DENND4C: variants seen among roughly 807,000 people sequenced by gnomAD.
DENND4C encodes the protein DENN domain containing 4C.
A neutral mutation model predicts 203.0 loss-of-function variants in DENND4C; 108 were observed. The ratio of observed to expected loss-of-function variants is 0.53; its 90% CI spans 0.46 to 0.62. The LOEUF is 0.62. Among genes scored for constraint, DENND4C ranks in the 20% least tolerant of loss-of-function variants. The probability of loss-of-function intolerance (pLI) is 0.00; values close to 1 mark genes in which losing one functional copy is unlikely to be tolerated. For missense variants in DENND4C, 2,481 were observed against 2,301.2 expected (o/e 1.08, Z -1.60); for synonymous variants, 871 against 792.4 (o/e 1.10, Z -1.67).
chr9:19,316,458 A>G lies in DENND4C; in HGVS notation c.1529A>G (p.Lys510Arg). Reference protein sequence around the residue: ...KKNMNWKQLPKKPCKNLLSTL... With the variant: ...KKNMNWKQLPRKPCKNLLSTL... ...AACATGAACTGGAAGCAACTTCCCA[A>G]AAAGCCGTGCAAAAATCTACTTAGC... The change falls in exon 11 of 33, where the codon AAA (lysine) becomes AGA (arginine). Residue 510 changes from lysine (K) to arginine (R), a missense_variant. By Grantham distance (26) the Lys-to-Arg change is conservative. Coordinates refer to ENST00000434457, the MANE Select transcript of DENND4C (RefSeq NM_001330640.2). 1 of 1,613,962 alleles carries G rather than the reference A, an allele frequency of 6.2e-7. No homozygotes were observed. The highest frequency in any genetic ancestry group is 8.5e-7 in the Non-Finnish European group (1 of 1,179,968).
intron 3 of DENND4C, among the ~76,000 whole-genome samples, chr9:19,288,065 T>A (rs1835571211): frequency 6.6e-6 from 1 of 152,206 alleles, no homozygotes; most frequent in Non-Finnish European, 1.5e-5. Flanking sequence ...AGGACTGTAG[T>A]GAAGAAGAAA....
chr9:19,280,269 C>G (rs1250138355), intron 2 of DENND4C, among the ~76,000 whole-genome samples: 1 of 152,122 alleles, frequency 6.6e-6, no homozygotes, highest in Non-Finnish European at 1.5e-5. Flanking sequence ...GCCTCAGCCT[C>G]CCAAGTAGCT....
intron 1 of DENND4C, among the ~76,000 whole-genome samples, chr9:19,236,112 A>G (rs960566345): frequency 2.0e-5 from 3 of 151,978 alleles, no homozygotes; most frequent in African/African-American, 7.2e-5. Flanking sequence ...TCTTAAAAGC[A>G]TAAATGTTAT....
At position 19,296,212 on chromosome 9, in the gene DENND4C, T is replaced by C. The variant is rs565735443; in HGVS notation, c.1006T>C (p.Ser336Pro). Reference protein sequence around the residue: ...RKFLMFIYKLSVSGPHPLPIE... With the variant: ...RKFLMFIYKLPVSGPHPLPIE... The stretch of plus-strand genomic sequence containing the variant: ...ATTTCTTATGTTTATCTACAAACTT[T>C]CTGTGTCTGGACCACATCCTCTTCC... Residue 336 changes from serine (S) to proline (P), a missense_variant, in exon 6 of 33, where the codon TCT (serine) becomes CCT (proline). Physicochemically the swap from Ser to Pro is moderately conservative, Grantham distance 74. Transcript: ENST00000434457. The C allele has an allele frequency of 3.7e-6, 6 of 1,613,486 alleles. No homozygotes were observed. The highest frequency in any genetic ancestry group is 1.1e-5 in the South Asian group (1 of 91,056).
Position 19,346,495 on chromosome 9 carries a change from G to C in DENND4C, c.3726G>C (p.Gln1242His). The C allele has an allele frequency of 1.2e-6, 2 of 1,614,204 alleles. No individual in the cohort carries two copies. The highest frequency in any genetic ancestry group is 8.5e-7 in the Non-Finnish European group (1 of 1,180,038). ...TATATGGTATTGCTAAGGTGGTTCAGAGGGAAGATGTTGAAACTGGACTAG... is the reference window on the plus strand; with the variant it reads ...TATATGGTATTGCTAAGGTGGTTCACAGGGAAGATGTTGAAACTGGACTAG... ...SSLYGIAKVV[Q>H]REDVETGLDP... Residue 1242 changes from glutamine (Q) to histidine (H), a missense_variant, in exon 23 of 33, where the codon CAG becomes CAC. By Grantham distance (24) the Gln-to-His change is conservative. This residue lies in a region of DENND4C where 2,289 missense variants were observed against 2,113.3 expected (regional missense o/e 1.08). Coordinates refer to ENST00000434457, the MANE Select transcript of DENND4C (RefSeq NM_001330640.2).
rs1317648603 is a variant in DENND4C at position 19,288,654 on chromosome 9, C to T, written c.617C>T (p.Ala206Val). ...TCTGTACCTGCTTCAAATGCAATAG[C>T]ATATAAGGCTGGTAAGTGAGTTAAA... The part of the protein sequence containing the change: ...KKSVPASNAI[A>V]YKAGLIFRYP... Residue 206 changes from alanine (A) to valine (V), a missense_variant, in exon 4 of 33, where the codon GCA becomes GTA. Transcript: ENST00000434457. 2.4e-5 allele frequency: 29 copies of T among 1,231,352 alleles called. No individual in the cohort carries two copies. The highest frequency in any genetic ancestry group is 2.8e-5 in the Non-Finnish European group (28 of 987,590). The allele number at this position is 1,231,352 out of a possible 1,614,324, so 76.3% of individuals were successfully genotyped here.
rs558462315 is a variant in DENND4C at position 19,266,544 on chromosome 9, G to A, written c.-17-9614G>A. Among the ~76,000 whole-genome samples the A allele has an allele frequency of 4.6e-5, 7 of 152,274 alleles. No individual in the cohort carries two copies. The South Asian group carries it at 1.4e-3, about 32-fold the overall frequency. On this transcript the variant is annotated intron_variant, in intron 1 of 32. Transcript: ENST00000434457. ...GACAATCCTAAGCCAAAAGAACAAAGCTGGAGGCATCATGCTACGTGACTT... is the reference window on the plus strand; with the variant it reads ...GACAATCCTAAGCCAAAAGAACAAAACTGGAGGCATCATGCTACGTGACTT...
At chr9:19,325,652 T>A (rs914169119) in intron 13 of DENND4C, among the ~76,000 whole-genome samples, 4 of 152,206 alleles carry the variant, frequency 2.6e-5, no homozygotes, top group Non-Finnish European at 5.9e-5. Flanking sequence ...GGCTTAATAA[T>A]AATGAAATTT....
intron 22 of DENND4C, among the ~76,000 whole-genome samples, chr9:19,344,824 TAAAAG>T (rs745692141): frequency 8.6e-5 from 13 of 151,636 alleles, no homozygotes; most frequent in Non-Finnish European, 1.3e-4. Context: ...TAAAAAAAAA[TAAAAG>T]AAAGAAATTT....
intron 12 of DENND4C, among the ~76,000 whole-genome samples, chr9:19,323,258 C>T (rs1180603130): frequency 1.3e-5 from 2 of 152,004 alleles, no homozygotes; most frequent in Non-Finnish European, 1.5e-5. Context: ...ATGGTGAAAC[C>T]GTCTCTACTA....
intron 2 of DENND4C, among the ~76,000 whole-genome samples, chr9:19,286,519 T>A (rs1031075015): frequency 6.6e-6 from 1 of 152,178 alleles, no homozygotes; most frequent in African/African-American, 2.4e-5. Flanking sequence ...AGTTGTTCAA[T>A]CCTGTTTACA....
intron 1 of DENND4C, among the ~76,000 whole-genome samples, chr9:19,243,531 C>T (rs769279172): frequency 1.3e-5 from 2 of 152,172 alleles, no homozygotes; most frequent in Admixed American, 6.5e-5. Flanking sequence ...TCCCAGTCTC[C>T]TAGTCCCTGC....
chr9:19,238,787 G>A (rs546192221), intron 1 of DENND4C, among the ~76,000 whole-genome samples: 1 of 147,908 alleles, frequency 6.8e-6, no homozygotes, highest in East Asian at 2.0e-4. Flanking sequence ...CTAAGTAGTC[G>A]GGATTACAGG....
intron 1 of DENND4C, among the ~76,000 whole-genome samples, chr9:19,255,523 T>C (rs1827728044): frequency 1.3e-5 from 2 of 152,202 alleles, no homozygotes; most frequent in African/African-American, 4.8e-5. Context: ...AGGCATCCTA[T>C]ATATACATTT....
At chr9:19,271,871 A>G (rs1356160762) in intron 1 of DENND4C, among the ~76,000 whole-genome samples, 18 of 146,130 alleles carry the variant, frequency 1.2e-4, no homozygotes, top group African/African-American at 4.0e-4. Flanking sequence ...CTCTGTCTCA[A>G]AAAAAAAAAA....
At chr9:19,312,433 G>T (rs187534097) in intron 10 of DENND4C, among the ~76,000 whole-genome samples, 1 of 152,268 alleles carries the variant, frequency 6.6e-6, no homozygotes, top group Non-Finnish European at 1.5e-5. Flanking sequence ...AATCAAGGTG[G>T]TAATTGTGTA....
At chr9:19,318,855 C>T (rs1038404263) in intron 12 of DENND4C, among the ~76,000 whole-genome samples, 17 of 152,074 alleles carry the variant, frequency 1.1e-4, no homozygotes, top group African/African-American at 4.1e-4. Flanking sequence ...TTCCGAGGTA[C>T]TAGGGGCTAG....
chr9:19,245,824 C>G (rs1825093018), intron 1 of DENND4C, among the ~76,000 whole-genome samples: 1 of 146,816 alleles, frequency 6.8e-6, no homozygotes, highest in East Asian at 1.9e-4. Flanking sequence ...CCATTGCACT[C>G]CAGCCTGGAC....
rs777286159 is a variant in DENND4C at position 19,334,958 on chromosome 9, GA to G, written c.2461-18del. Reference sequence around the variant, plus strand: ...GATTAGTATACTAATTACTGACACTGATTTTTTTTTTTTGTTAGGTGTGCTA... The same window carrying G: ...GATTAGTATACTAATTACTGACACTGTTTTTTTTTTTTGTTAGGTGTGCTA... On this transcript the variant is annotated intron_variant, in intron 17 of 32. Transcript: ENST00000434457. 8 of 1,555,382 alleles carry G rather than the reference GA, an allele frequency of 5.1e-6. No individual in the cohort carries two copies. In the South Asian group the frequency reaches 6.0e-5, roughly 12 times the overall value.
Sources: allele counts gnomAD v4.1 joint callset (sites outside exome capture counted in the v4.1 genomes callset), GRCh38; gene constraint gnomAD v4.1.1; regional missense constraint gnomAD v4.1.1; transcripts MANE v1.5; gene names NCBI Gene and HGNC (gene_info 2026-07-23, HGNC 2026-07-21).